GDPGP1: variants seen among roughly 807,000 people sequenced by gnomAD.
GDPGP1 encodes GDP-D-glucose phosphorylase C15orf58.
A neutral mutation model predicts 19.2 loss-of-function variants in GDPGP1; 18 were observed. The observed-to-expected ratio is 0.94, with a 90% CI of 0.65 to 1.39. GDPGP1 has a LOEUF of 1.39. Among genes scored for constraint, GDPGP1 ranks in the 40% most tolerant of loss-of-function variants. The pLI is 0.00. For missense variants in GDPGP1, 449 were observed against 490.5 expected, an observed-to-expected ratio of 0.92 and a Z score of 0.80; for synonymous variants, 219 against 208.9, an observed-to-expected ratio of 1.05 and a Z score of -0.42.
At position 90,241,944 on chromosome 15, in the gene GDPGP1, G is replaced by A. The variant is rs1223342178; in HGVS notation, c.1036G>A (p.Asp346Asn). The A allele has an allele frequency of 1.2e-6, 2 of 1,614,098 alleles. No individual in the cohort carries two copies. Among genetic ancestry groups the A allele is most frequent in the Admixed American group, 1.7e-5 (1 of 59,998 alleles). Residue 346 changes from aspartate (D) to asparagine (N), a missense_variant, in exon 4 of 4, where the codon GAC becomes AAC. Coordinates refer to ENST00000329600, the MANE Select transcript of GDPGP1 (RefSeq NM_001013657.3). ...GCACCTCCCTGTCAAAACATCCCAGGACTTCAGCAGCCTGACAGAGGCAGC... is the reference window on the plus strand; with the variant it reads ...GCACCTCCCTGTCAAAACATCCCAGAACTTCAGCAGCCTGACAGAGGCAGC... ...AGHLPVKTSQ[D>N]FSSLTEAAAV...
In GDPGP1 at chr15:90,240,889, G is replaced by C. The variant is rs756509265; in HGVS notation, c.-9-11G>C. 67 of 1,564,878 alleles carry C rather than the reference G, an allele frequency of 4.3e-5. No individual in the cohort carries two copies. The highest frequency in any genetic ancestry group is 5.9e-5 in the Non-Finnish European group (67 of 1,139,560). ...ACCATCATGTGTTTTCATCTTTTAT[G>C]ACTATTTCAGGTCAGCTCTATGGCT... is the stretch of plus-strand genomic sequence containing the variant. On this transcript the variant is annotated splice_polypyrimidine_tract_variant and intron_variant, in intron 3 of 3. Coordinates refer to ENST00000329600, the MANE Select transcript of GDPGP1 (RefSeq NM_001013657.3).
In GDPGP1 at chr15:90,241,413, C is replaced by T. The variant is rs144061266; in HGVS notation, c.505C>T (p.Leu169=). The T allele has an allele frequency of 3.1e-6, 5 of 1,613,556 alleles. No homozygotes were observed. The African/African-American group carries it at 6.7e-5, about 22-fold the overall frequency. ...CCCCCTGGAGTGGGGCCACGTGCTG[C>T]TGGTGCCTGAGCCTGCCCGCCAGCT... ...VSPLEWGHVL[L]VPEPARQLPQ... The change falls in exon 4 of 4, where the codon CTG becomes TTG. Residue 169 remains leucine, a synonymous_variant. Coordinates refer to ENST00000329600, the MANE Select transcript of GDPGP1 (RefSeq NM_001013657.3).
rs766827240 is a variant in GDPGP1, at chr15:90,241,415, G to A, written c.507G>A (p.Leu169=). ...CCCTGGAGTGGGGCCACGTGCTGCT[G>A]GTGCCTGAGCCTGCCCGCCAGCTCC... ...VSPLEWGHVL[L]VPEPARQLPQ... Residue 169 remains leucine, a synonymous_variant, in exon 4 of 4, where the codon CTG becomes CTA. Coordinates refer to ENST00000329600, the MANE Select transcript of GDPGP1 (RefSeq NM_001013657.3). 4 of 1,613,650 alleles carry A rather than the reference G, an allele frequency of 2.5e-6. No individual in the cohort carries two copies. The highest frequency in any genetic ancestry group is 3.4e-6 in the Non-Finnish European group (4 of 1,180,036).
At chr15:90,239,133 AAAGTC>A (rs1309392779) in intron 3 of GDPGP1, among the ~76,000 whole-genome samples, 1 of 152,234 alleles carries the variant, frequency 6.6e-6, no homozygotes, top group African/African-American at 2.4e-5. Context: ...GATTGGTTAA[AAAGTC>A]AAGATCCATC....
At chr15:90,237,195 G>A (rs1428230670) in intron 2 of GDPGP1, among the ~76,000 whole-genome samples, 2 of 151,774 alleles carry the variant, frequency 1.3e-5, no homozygotes, top group Admixed American at 6.6e-5. Flanking sequence ...TCCTGACCTC[G>A]TGATCCACCC....
At chr15:90,238,350 A>C (rs916414438) in intron 2 of GDPGP1, 142 bp from the exon 3 acceptor site, 2 of 152,222 alleles carry the variant, frequency 1.3e-5, no homozygotes, top group Non-Finnish European at 2.9e-5. Context: ...AGTCGTGTTA[A>C]GCACATTCAC....
intron 2 of GDPGP1, among the ~76,000 whole-genome samples, chr15:90,236,755 C>G (rs977589968): frequency 2.6e-5 from 4 of 151,860 alleles, no homozygotes; most frequent in Non-Finnish European, 5.9e-5. Flanking sequence ...CCAGGATGGT[C>G]TCGATCTCCT....
At position 90,243,818 on chromosome 15, in the gene GDPGP1, T is replaced by C. The variant is rs191238730; in HGVS notation, c.*1752T>C. The C allele has an allele frequency of 6.6e-6, 1 of 151,506 alleles. No homozygotes were observed. Among genetic ancestry groups the C allele is most frequent in the Admixed American group, 6.6e-5 (1 of 15,194 alleles). 9.4% of individuals were successfully genotyped at this position (151,506 alleles called of 1,614,324 possible). On this transcript the variant is annotated 3_prime_UTR_variant, in exon 4 of 4. Transcript: ENST00000329600. ...GCATGCGCCACCACACCCGGCTATT[T>C]TTTTGGAGAGATAGCATCTTGCCAA...
In GDPGP1 at chr15:90,241,933, A is replaced by T; in HGVS notation, c.1025A>T (p.Lys342Ile). ...LCELAGHLPV[K>I]TSQDFSSLTE... ...GAGCTGGCTGGGCACCTCCCTGTCA[A>T]AACATCCCAGGACTTCAGCAGCCTG... The change falls in exon 4 of 4, where the codon AAA becomes ATA. Residue 342 changes from lysine (K) to isoleucine (I), a missense_variant. Lys to Ile is a moderately radical substitution (Grantham distance 102). Coordinates refer to ENST00000329600, the MANE Select transcript of GDPGP1 (RefSeq NM_001013657.3). The T allele has an allele frequency of 6.2e-7, 1 of 1,614,144 alleles. No homozygotes were observed. The highest frequency in any genetic ancestry group is 1.1e-5 in the South Asian group (1 of 91,078).
chr15:90,241,087 A>G lies in GDPGP1; in HGVS notation c.179A>G (p.Asp60Gly). 1 of 1,614,152 alleles carries G rather than the reference A, an allele frequency of 6.2e-7. No homozygotes were observed. The highest frequency in any genetic ancestry group is 2.2e-5 in the East Asian group (1 of 44,878). ...GATGCTCTGCCACAATCTCCCTTTG[A>G]TGCTGCACTCTGCTCTGCCTGGAAG... The part of the protein sequence containing the change: ...IPDALPQSPF[D>G]AALCSAWKQR... The change falls in exon 4 of 4, where the codon GAT becomes GGT. Residue 60 changes from aspartate to glycine, a missense_variant. Transcript: ENST00000329600.
At chr15:90,238,402 A>C (rs1962679862) in intron 2 of GDPGP1, 90 bp from the exon 3 acceptor site, 1 of 152,216 alleles carries the variant, frequency 6.6e-6, no homozygotes, top group Non-Finnish European at 1.5e-5. Context: ...CATCTTGCAA[A>C]CTAAGCCTCA....
rs1962800634 is a variant in GDPGP1 at position 90,243,149 on chromosome 15, C to T, written c.*1083C>T. 2 of 152,226 alleles carry T rather than the reference C, an allele frequency of 1.3e-5. No homozygotes were observed. Among genetic ancestry groups the T allele is most frequent in the Admixed American group, 1.3e-4 (2 of 15,264 alleles). 9.4% of individuals were successfully genotyped at this position (152,226 alleles called of 1,614,324 possible). On this transcript the variant is annotated 3_prime_UTR_variant, in exon 4 of 4. Transcript: ENST00000329600. ...CTGTGCCTCCAGTATTGAGCTGCCA[C>T]TTCTGTTCTCAGCCTGTTTATTCCC...
Position 90,241,487 on chromosome 15 carries a change from G to A in GDPGP1, c.579G>A (p.Val193=), listed in dbSNP as rs1344175281. Reference sequence around the variant, plus strand: ...CACTGAGGGCAGGGATTGAGGCTGTGCTGCTGAGCTTACACCCGGGCTTCC... The same window carrying A: ...CACTGAGGGCAGGGATTGAGGCTGTACTGCTGAGCTTACACCCGGGCTTCC... ...PGALRAGIEA[V]LLSLHPGFRV... is the part of the protein sequence containing the mutation. Residue 193 remains valine, a synonymous_variant, in exon 4 of 4, where the codon GTG becomes GTA. Transcript: ENST00000329600. The A allele has an allele frequency of 6.2e-7, 1 of 1,613,742 alleles. No individual in the cohort carries two copies.
At chr15:90,240,813 CA>C (rs987133069) in intron 3 of GDPGP1, 86 bp from the exon 4 acceptor site, 10,770 of 654,082 alleles carry the variant, frequency 0.016, no homozygotes, top group East Asian at 0.025. Context: ...GACTCCATCT[CA>C]AAAAAAAAAA....
chr15:90,234,214 C>T lies in GDPGP1; in HGVS notation c.-220C>T. Reference sequence around the variant, plus strand: ...CGCGCGTGCGTGCTGGCTGCGTATGCGTCACGGGCGTCATGACCTCGCTGT... The same window carrying T: ...CGCGCGTGCGTGCTGGCTGCGTATGTGTCACGGGCGTCATGACCTCGCTGT... On this transcript the variant is annotated 5_prime_UTR_variant, in exon 1 of 4. Coordinates refer to ENST00000329600, the MANE Select transcript of GDPGP1 (RefSeq NM_001013657.3). 3.7e-6 allele frequency: 1 copy of T among 269,356 alleles called. No individual in the cohort carries two copies. Among genetic ancestry groups the T allele is most frequent in the Non-Finnish European group, 7.0e-6 (1 of 142,628 alleles). 16.7% of individuals were successfully genotyped at this position (269,356 alleles called of 1,614,324 possible).
Position 90,241,498 on chromosome 15 carries a change from T to TA in GDPGP1, c.591dup (p.His198ThrfsTer68), listed in dbSNP as rs753945188. Reference sequence around the variant, plus strand: ...GGGATTGAGGCTGTGCTGCTGAGCTTACACCCGGGCTTCCGTGTCGGCTTC... The same window carrying TA: ...GGGATTGAGGCTGTGCTGCTGAGCTTAACACCCGGGCTTCCGTGTCGGCTTC... On this transcript the variant is annotated frameshift_variant, in exon 4 of 4. Coordinates refer to ENST00000329600, the MANE Select transcript of GDPGP1 (RefSeq NM_001013657.3). LOFTEE classifies it high-confidence loss of function. 1.9e-6 allele frequency: 3 copies of TA among 1,613,814 alleles called. No homozygotes were observed. In the Admixed American group the frequency reaches 5.0e-5, roughly 27 times the overall value.
In GDPGP1 at chr15:90,242,228, T is replaced by C. The variant is rs148436369; in HGVS notation, c.*162T>C. ...TCAGCCTCTTGAGTAGCTGAGACTA[T>C]AGGCGTGCACCACCACACACCTGGC... On this transcript the variant is annotated 3_prime_UTR_variant, in exon 4 of 4. Coordinates refer to ENST00000329600, the MANE Select transcript of GDPGP1 (RefSeq NM_001013657.3). The C allele has an allele frequency of 2.3e-3, 1,151 of 503,538 alleles. 16 individuals are homozygous for C. The highest frequency in any genetic ancestry group is 0.021 in the African/African-American group (1,024 of 49,176). 31.2% of individuals were successfully genotyped at this position (503,538 alleles called of 1,614,324 possible).
In GDPGP1 at chr15:90,242,074, G is replaced by T. The variant is rs781501813; in HGVS notation, c.*8G>T. 4 of 1,586,418 alleles carry T rather than the reference G, an allele frequency of 2.5e-6. No homozygotes were observed. Among genetic ancestry groups the T allele is most frequent in the Non-Finnish European group, 3.4e-6 (4 of 1,165,124 alleles). Reference sequence around the variant, plus strand: ...TCCCAGGAAGAGCAATAATACTTCTGGATGTATTTATGTTCTTTTTTTCTT... The same window carrying T: ...TCCCAGGAAGAGCAATAATACTTCTTGATGTATTTATGTTCTTTTTTTCTT... On this transcript the variant is annotated 3_prime_UTR_variant, in exon 4 of 4. Transcript: ENST00000329600.
In GDPGP1 at chr15:90,239,938, C is replaced by G. The variant is rs554908146; in HGVS notation, c.-9-962C>G. Among the ~76,000 whole-genome samples, 67 of 151,374 alleles carry G rather than the reference C, an allele frequency of 4.4e-4. 1 individual carries two copies. Among genetic ancestry groups the G allele is most frequent in the Admixed American group, 7.2e-4 (11 of 15,220 alleles). ...AGAACCTGTTTCAAAATAAAATAGG[C>G]CGTGGCTGGGCGCAGTGGCTCACAC... On this transcript the variant is annotated intron_variant, in intron 3 of 3. Coordinates refer to ENST00000329600, the MANE Select transcript of GDPGP1 (RefSeq NM_001013657.3).
Sources: allele counts gnomAD v4.1 joint callset (sites outside exome capture counted in the v4.1 genomes callset), GRCh38; gene constraint gnomAD v4.1.1; transcripts MANE v1.5; gene names NCBI Gene and HGNC (gene_info 2026-07-23, HGNC 2026-07-21).